CTNNA3: variants seen among roughly 807,000 people sequenced by gnomAD.
CTNNA3 encodes the protein catenin alpha-3.
Under a neutral mutation model 95.7 loss-of-function variants are expected in CTNNA3, and 76 were observed. The observed-to-expected ratio is 0.79, with a 90% CI of 0.66 to 0.96. The LOEUF (loss-of-function observed/expected upper bound fraction) is 0.96, where lower values mean the gene tolerates loss of function less well. CTNNA3 is among the 40% of genes least tolerant of loss of function. CTNNA3 has a pLI of 0.00. For missense variants in CTNNA3, 1,191 were observed against 1,089.8 expected (o/e 1.09, Z -1.31); for synonymous variants, 431 against 374.4 (o/e 1.15, Z -1.74).
rs190472144 is a variant in CTNNA3, at chr10:67,502,819, C to T, written c.579+19023G>A. Among the ~76,000 whole-genome samples, 704 of 152,330 alleles carry T rather than the reference C, an allele frequency of 4.6e-3. 6 individuals carry two copies. Among genetic ancestry groups the T allele is most frequent in the African/African-American group, 0.016 (659 of 41,572 alleles). ...CAGTAATGGCAGACATCCCTCCCCA[C>T]ACCAAGCTCAAGCATCCCAGTTTGA... On this transcript the variant is annotated intron_variant, in intron 5 of 17. Coordinates refer to ENST00000433211, the MANE Select transcript of CTNNA3 (RefSeq NM_013266.4).
chr10:66,324,614 G>C (rs764581201), intron 12 of CTNNA3, among the ~76,000 whole-genome samples: 2 of 152,126 alleles, frequency 1.3e-5, no homozygotes, highest in Non-Finnish European at 2.9e-5. Context: ...CCATCTGCAT[G>C]CTCCCCTTCC....
chr10:67,337,615 G>T (rs1404872367), intron 5 of CTNNA3, among the ~76,000 whole-genome samples: 1 of 152,106 alleles, frequency 6.6e-6, no homozygotes, highest in Non-Finnish European at 1.5e-5. Flanking sequence ...ATGCTATAGA[G>T]AAATTTTTCA....
Position 67,161,572 on chromosome 10 carries a change from A to G in CTNNA3, c.1047+18745T>C, listed in dbSNP as rs1861552834. Among the ~76,000 whole-genome samples the G allele has an allele frequency of 3.9e-5, 6 of 152,130 alleles. No homozygotes were observed. In the South Asian group the frequency reaches 1.2e-3, roughly 32 times the overall value. ...CTATAGACACATCAAAAAAGAATCTAAAGTGTATTCAAGTAACTGACAAAA... is the reference window on the plus strand; with the variant it reads ...CTATAGACACATCAAAAAAGAATCTGAAGTGTATTCAAGTAACTGACAAAA... On this transcript the variant is annotated intron_variant, in intron 7 of 17. Coordinates refer to ENST00000433211, the MANE Select transcript of CTNNA3 (RefSeq NM_013266.4).
chr10:67,155,550 T>G (rs1861275993), intron 7 of CTNNA3, among the ~76,000 whole-genome samples: 1 of 131,054 alleles, frequency 7.6e-6, no homozygotes, highest in South Asian at 2.5e-4. Flanking sequence ...TGTGTGTGTG[T>G]TGTACATTCA....
chr10:67,754,412 A>T (rs1360074773), intron 1 of CTNNA3, among the ~76,000 whole-genome samples: 2 of 152,226 alleles, frequency 1.3e-5, no homozygotes, highest in African/African-American at 4.8e-5. Context: ...GCACATGTTT[A>T]CCTATGTAAC....
chr10:66,426,082 T>C (rs2093238347), intron 11 of CTNNA3, among the ~76,000 whole-genome samples: 1 of 152,184 alleles, frequency 6.6e-6, no homozygotes, highest in Admixed American at 6.6e-5. Flanking sequence ...CATTGTTTTG[T>C]AGTATTCCAC....
intron 6 of CTNNA3, among the ~76,000 whole-genome samples, chr10:67,201,990 C>T (rs1863670632): frequency 6.6e-6 from 1 of 152,242 alleles, no homozygotes; most frequent in Admixed American, 6.5e-5. Flanking sequence ...GACATTTTTG[C>T]CATTTCTTTT....
chr10:66,644,981 T>A (rs1343801435), intron 9 of CTNNA3, among the ~76,000 whole-genome samples: 1 of 152,236 alleles, frequency 6.6e-6, no homozygotes, highest in African/African-American at 2.4e-5. Flanking sequence ...TTTTATTATT[T>A]CAAAATGTTT....
At chr10:66,753,088 T>C (rs1211769055) in intron 9 of CTNNA3, among the ~76,000 whole-genome samples, 1 of 152,196 alleles carries the variant, frequency 6.6e-6, no homozygotes, top group African/African-American at 2.4e-5. Context: ...TCATTCCTTC[T>C]GGAGCACATA....
At chr10:66,990,456 A>G (rs1054842202) in intron 7 of CTNNA3, among the ~76,000 whole-genome samples, 6 of 152,180 alleles carry the variant, frequency 3.9e-5, no homozygotes, top group Non-Finnish European at 7.4e-5. Context: ...TCTAATCACC[A>G]TATTATTCCA....
chr10:67,245,763 C>A (rs1256532967), intron 5 of CTNNA3, among the ~76,000 whole-genome samples: 8 of 148,798 alleles, frequency 5.4e-5, no homozygotes, highest in African/African-American at 2.0e-4. Context: ...GAGGCTGAGG[C>A]AGAATTTCTT....
At chr10:66,336,742 C>G (rs12250400) in intron 12 of CTNNA3, among the ~76,000 whole-genome samples, 1 of 151,988 alleles carries the variant, frequency 6.6e-6, no homozygotes. Flanking sequence ...GAATATAGTG[C>G]TGAGTATAAA....
chr10:67,437,333 G>A (rs962614971), intron 5 of CTNNA3, among the ~76,000 whole-genome samples: 3 of 152,080 alleles, frequency 2.0e-5, no homozygotes, highest in Non-Finnish European at 4.4e-5. Flanking sequence ...AAGACTGGGA[G>A]TGGGGTGAGG....
chr10:67,104,691 T>C (rs1858530409), intron 7 of CTNNA3, among the ~76,000 whole-genome samples: 1 of 151,922 alleles, frequency 6.6e-6, no homozygotes, highest in Non-Finnish European at 1.5e-5. Context: ...TTAATTACAT[T>C]AGCATTTTAC....
chr10:66,757,111 G>A (rs766120625), intron 9 of CTNNA3, among the ~76,000 whole-genome samples: 12 of 152,126 alleles, frequency 7.9e-5, no homozygotes, highest in African/African-American at 2.9e-4. Context: ...GACTGGGGAC[G>A]AGTAGAGGCC....
At position 66,278,636 on chromosome 10, in the gene CTNNA3, T is replaced by A. The variant is rs114907373; in HGVS notation, c.1884+1834A>T. On this transcript the variant is annotated intron_variant, in intron 13 of 17. Transcript: ENST00000433211. Reference sequence around the variant, plus strand: ...TCTTGATAATGAGGAAATGTAAAAATACTGGAACATCTAACTGGGAGAAGC... The same window carrying A: ...TCTTGATAATGAGGAAATGTAAAAAAACTGGAACATCTAACTGGGAGAAGC... Among the ~76,000 whole-genome samples, 274 of 152,014 alleles carry A rather than the reference T, an allele frequency of 1.8e-3. 2 individuals are homozygous for A. The highest frequency in any genetic ancestry group is 6.5e-3 in the African/African-American group (268 of 41,500).
chr10:66,450,303 T>C (rs1249411216), intron 11 of CTNNA3, among the ~76,000 whole-genome samples: 3 of 152,160 alleles, frequency 2.0e-5, no homozygotes, highest in Non-Finnish European at 4.4e-5. Context: ...AAAAACACTT[T>C]GTTTGGAGTA....
At chr10:66,278,887 T>C (rs1363713379) in intron 13 of CTNNA3, among the ~76,000 whole-genome samples, 1 of 152,094 alleles carries the variant, frequency 6.6e-6, no homozygotes, top group East Asian at 1.9e-4. Context: ...CAGCTTTGGG[T>C]TATTACTAGT....
chr10:67,742,800 T>TA lies in CTNNA3; in HGVS notation c.-2+20633dup, dbSNP rs985055979. On this transcript the variant is annotated intron_variant, in intron 1 of 17. Coordinates refer to the CTNNA3 transcript ENST00000684154. ...AGAGAGAAGAATCAAATAGACGCAA[T>TA]AAAAAATGATAAAGGGGATATCACC... is the stretch of plus-strand genomic sequence containing the variant. 2.7e-5 allele frequency among the ~76,000 whole-genome samples: 4 copies of TA among 150,658 alleles called. 1 individual carries two copies. Among genetic ancestry groups the TA allele is most frequent in the Admixed American group, 2.0e-4 (3 of 15,054 alleles).
Sources: gnomAD v4.1 joint callset for allele counts (sites outside exome capture counted in the v4.1 genomes callset) on GRCh38, gnomAD v4.1.1 for gene constraint, MANE v1.5 for transcripts, NCBI Gene and HGNC (gene_info 2026-07-23, HGNC 2026-07-21) for gene names.